NKIRAS1: variants seen among roughly 807,000 people sequenced by gnomAD.
NKIRAS1 encodes the protein NFKB inhibitor interacting Ras like 1, also known as NF-kappa-B inhibitor-interacting Ras-like protein 1.
NKIRAS1 carries 16 observed loss-of-function variants against 19.8 expected under a neutral mutation model. That is an observed-to-expected ratio of 0.81 (90% CI 0.55 to 1.23). The LOEUF (loss-of-function observed/expected upper bound fraction) is 1.23. Ranked by LOEUF, NKIRAS1 falls within the 50% of genes most tolerant of loss-of-function variation. The pLI, the probability that NKIRAS1 is intolerant of heterozygous loss-of-function variation, is 0.00. For synonymous variants in NKIRAS1, 88 were observed against 79.0 expected (o/e 1.11, Z -0.61); for missense variants, 184 against 220.0 (o/e 0.84, Z 1.04).
chr3:23,919,917 CTT>C (rs373934726), upstream of NKIRAS1: 83 of 990,506 alleles, frequency 8.4e-5, no homozygotes, highest in East Asian at 7.1e-3. Flanking sequence ...CAGGTGTAGA[CTT>C]TTTAAGTTGG....
intron 1 of NKIRAS1, among the ~76,000 whole-genome samples, chr3:23,936,134 A>G (rs535991856): frequency 2.7e-5 from 4 of 149,916 alleles, no homozygotes; most frequent in Non-Finnish European, 5.9e-5. Context: ...ATTGGTGATA[A>G]GCATAATAGG....
intron 1 of NKIRAS1, among the ~76,000 whole-genome samples, chr3:23,928,689 T>TAA (rs10715656): frequency 2.6e-5 from 3 of 116,876 alleles, no homozygotes. Flanking sequence ...GATTTAGGCT[T>TAA]AAAAAAAAAA....
At chr3:23,903,263 A>C (rs1292230978) in intron 3 of NKIRAS1, among the ~76,000 whole-genome samples, 1 of 152,134 alleles carries the variant, frequency 6.6e-6, no homozygotes, top group Non-Finnish European at 1.5e-5. Context: ...ACAGGTACAT[A>C]CCACCAAGCC....
chr3:23,921,802 T>A (rs1481625780), upstream of NKIRAS1: 10 of 566,402 alleles, frequency 1.8e-5, no homozygotes, highest in Non-Finnish European at 3.1e-5. Context: ...CTCGAACTCC[T>A]GACCTCAAGT....
chr3:23,920,605 A>G (rs1443377445), upstream of NKIRAS1: 2 of 985,088 alleles, frequency 2.0e-6, no homozygotes, highest in Admixed American at 6.1e-5. Flanking sequence ...GGAATTGCCC[A>G]ATTTTAAATT....
Position 23,916,961 on chromosome 3 carries a change from C to G in NKIRAS1, c.-317G>C, listed in dbSNP as rs1234865351. ...TCGAGACGCCCAGGCCGCTCAGGCT[C>G]GAATCTTGCGGAGCAGGGGGCGGGA... On this transcript the variant is annotated 5_prime_UTR_variant, in exon 1 of 5. Coordinates refer to ENST00000425478, the MANE Select transcript of NKIRAS1 (RefSeq NM_020345.4). 6.6e-6 allele frequency: 1 copy of G among 152,642 alleles called. No individual in the cohort carries two copies. The highest frequency in any genetic ancestry group is 1.5e-5 in the Non-Finnish European group (1 of 68,074). 9.5% of individuals were successfully genotyped at this position (152,642 alleles called of 1,614,324 possible). A position where few individuals can be genotyped will look rare whatever the true frequency, so the allele number is the denominator to read the frequency against.
upstream of NKIRAS1, chr3:23,917,695 G>T: frequency 1.4e-6 from 1 of 702,574 alleles, no homozygotes; most frequent in East Asian, 2.9e-5. Flanking sequence ...TGGGCGCAGT[G>T]GTGGGGGTTG....
rs1439695660 is a variant in NKIRAS1 at position 23,930,733 on chromosome 3, C to G, written c.-140+15590G>C. ...TTTTATTTTCTGAGACAGGGTCGTA[C>G]TCTGTCACCCAGGCACAATTGTGCA... On this transcript the variant is annotated intron_variant, in intron 1 of 4. Transcript: ENST00000421515. Among the ~76,000 whole-genome samples the G allele has an allele frequency of 2.0e-5, 3 of 152,268 alleles. No homozygotes were observed. In the South Asian group the frequency reaches 6.2e-4, roughly 32 times the overall value.
upstream of NKIRAS1, chr3:23,920,391 A>G (rs2125258139): frequency 2.0e-6 from 2 of 985,378 alleles, no homozygotes; most frequent in Non-Finnish European, 2.4e-6. Context: ...GTTTCCAACC[A>G]TATGTGTTTT....
chr3:23,946,430 C>G (rs1422759590), exon 1 of NKIRAS1: 3 of 396,170 alleles, frequency 7.6e-6, no homozygotes, highest in Non-Finnish European at 1.0e-5. Context: ...CGAAGGAGCT[C>G]TGAGGTGCTT....
rs1400574713 is a variant in NKIRAS1, at chr3:23,891,794, G to A, written c.*1301C>T. On this transcript the variant is annotated 3_prime_UTR_variant, in exon 5 of 5. Coordinates refer to ENST00000425478, the MANE Select transcript of NKIRAS1 (RefSeq NM_020345.4). ...CTAAGTTGCATTAGTAGGAAACAAA[G>A]CAAACTGGAAGGTACTTATTTAAAA... 28 of 152,200 alleles carry A rather than the reference G, an allele frequency of 1.8e-4. No homozygotes were observed. Among genetic ancestry groups the A allele is most frequent in the Admixed American group, 1.8e-3 (27 of 15,278 alleles). The allele number at this position is 152,200 out of a possible 1,614,324, so 9.4% of individuals were successfully genotyped here. A position where few individuals can be genotyped will look rare whatever the true frequency, so the allele number is the denominator to read the frequency against.
intron 3 of NKIRAS1, among the ~76,000 whole-genome samples, chr3:23,906,537 C>T (rs1408393036): frequency 1.3e-5 from 2 of 152,182 alleles, no homozygotes; most frequent in Non-Finnish European, 2.9e-5. Context: ...CAAGACCAAT[C>T]CCTCCTCCTT....
At chr3:23,920,600 T>A, upstream of NKIRAS1, 1 of 985,186 alleles carries the variant, frequency 1.0e-6, no homozygotes, top group South Asian at 4.7e-5. Context: ...GACAAGGAAT[T>A]GCCCAATTTT....
chr3:23,935,916 C>T (rs1480962626), intron 1 of NKIRAS1, among the ~76,000 whole-genome samples: 1 of 151,768 alleles, frequency 6.6e-6, no homozygotes. Context: ...CTCGTCTCTA[C>T]AAATAATTTT....
At chr3:23,893,408 A>AT in intron 4 of NKIRAS1, 71 bp from the exon 5 acceptor site, 4 of 1,390,006 alleles carry the variant, frequency 2.9e-6, no homozygotes, top group Non-Finnish European at 3.9e-6. Context: ...AAATGGAGAC[A>AT]TAAGGAAAAT....
chr3:23,933,397 A>T (rs1168580532), intron 1 of NKIRAS1, among the ~76,000 whole-genome samples: 1 of 152,162 alleles, frequency 6.6e-6, no homozygotes, highest in Non-Finnish European at 1.5e-5. Context: ...ATGTCCAGAG[A>T]CATTTTTGGT....
At chr3:23,933,377 A>G (rs1436432134) in intron 1 of NKIRAS1, among the ~76,000 whole-genome samples, 2 of 152,136 alleles carry the variant, frequency 1.3e-5, no homozygotes, top group African/African-American at 4.8e-5. Flanking sequence ...TCCCCCAGGG[A>G]CATTTGACAA....
upstream of NKIRAS1, among the ~76,000 whole-genome samples, chr3:23,921,327 A>G (rs1705069203): frequency 6.6e-6 from 1 of 152,202 alleles, no homozygotes; most frequent in Non-Finnish European, 1.5e-5. Context: ...TCCTCATGAT[A>G]GCTTTCATGA....
chr3:23,932,284 G>A (rs1442554373), intron 1 of NKIRAS1, among the ~76,000 whole-genome samples: 2 of 152,092 alleles, frequency 1.3e-5, no homozygotes, highest in Admixed American at 1.3e-4. Flanking sequence ...TGAAATCCCA[G>A]TTATTTGCAT....
Sources: allele counts gnomAD v4.1 joint callset (sites outside exome capture counted in the v4.1 genomes callset), GRCh38; gene constraint gnomAD v4.1.1; transcripts MANE v1.5; gene names NCBI Gene and HGNC (gene_info 2026-07-23, HGNC 2026-07-21).